Variants in SLFN5 observed in about 807,000 individuals in gnomAD.
The protein encoded by SLFN5 is schlafen family member 5.
SLFN5 carries 34 observed loss-of-function variants against 48.5 expected under a neutral mutation model. The ratio of observed to expected loss-of-function variants is 0.70; its 90% CI spans 0.53 to 0.93. The LOEUF (loss-of-function observed/expected upper bound fraction) is 0.93, where lower values mean the gene tolerates loss of function less well. SLFN5 is among the 40% of genes least tolerant of loss of function. The pLI, the probability that SLFN5 is intolerant of heterozygous loss-of-function variation, is 0.00. For synonymous variants in SLFN5, 387 were observed against 396.2 expected (o/e 0.98, Z 0.28); for missense variants, 1,006 against 1,071.3 (o/e 0.94, Z 0.85).
In SLFN5 at chr17:35,258,799, G is replaced by A. The variant is rs539752391; in HGVS notation, c.109G>A (p.Glu37Lys). 8 of 1,614,188 alleles carry A rather than the reference G, an allele frequency of 5.0e-6. No homozygotes were observed. In the East Asian group the frequency reaches 1.6e-4, roughly 31 times the overall value. Residue 37 changes from glutamate (E) to lysine (K), a missense_variant, in exon 2 of 5, where the codon GAG becomes AAG. By Grantham distance (56) the Glu-to-Lys change is moderately conservative. Coordinates refer to ENST00000299977, the MANE Select transcript of SLFN5 (RefSeq NM_144975.4). Reference protein sequence around the residue: ...QRQEMDPRLREKQNEIILRAV... With the variant: ...QRQEMDPRLRKKQNEIILRAV... ...GCAGGAGATGGACCCTCGCCTGCGGGAGAAACAGAATGAAATCATCCTGCG... is the reference window on the plus strand; with the variant it reads ...GCAGGAGATGGACCCTCGCCTGCGGAAGAAACAGAATGAAATCATCCTGCG...
chr17:35,253,404 C>T (rs2092447179), intron 1 of SLFN5, among the ~76,000 whole-genome samples: 1 of 152,104 alleles, frequency 6.6e-6, no homozygotes, highest in African/African-American at 2.4e-5. Flanking sequence ...CAGGGTCTCC[C>T]TCTGTTGCCC....
chr17:35,264,669 C>A lies in SLFN5; in HGVS notation c.1625C>A (p.Ser542Tyr). Reference protein sequence around the residue: ...SLVIVLLGFKSFLSEELGSEV... With the variant: ...SLVIVLLGFKYFLSEELGSEV... Reference sequence around the variant, plus strand: ...GTGATAGTCTTGCTTGGGTTCAAATCCTTCTTAAGTGAAGAGCTGGGCTCT... The same window carrying A: ...GTGATAGTCTTGCTTGGGTTCAAATACTTCTTAAGTGAAGAGCTGGGCTCT... Residue 542 changes from serine to tyrosine, a missense_variant, in exon 4 of 5, where the codon TCC (serine) becomes TAC (tyrosine). Ser to Tyr is a moderately radical substitution (Grantham distance 144, BLOSUM62 -2). Transcript: ENST00000299977. 1.2e-6 allele frequency: 2 copies of A among 1,613,552 alleles called. No homozygotes were observed. The highest frequency in any genetic ancestry group is 1.7e-6 in the Non-Finnish European group (2 of 1,179,798).
In SLFN5 at chr17:35,266,155, T is replaced by TGTGC. The variant is rs1904682005; in HGVS notation, c.*270_*271insCGTG. The TGTGC allele has an allele frequency of 3.8e-6, 1 of 266,162 alleles. No individual in the cohort carries two copies. The highest frequency in any genetic ancestry group is 5.5e-5 in the Admixed American group (1 of 18,304). The allele number at this position is 266,162 out of a possible 1,614,324, so 16.5% of individuals were successfully genotyped here. A position where few individuals can be genotyped will look rare whatever the true frequency, so the allele number is the denominator to read the frequency against. On this transcript the variant is annotated 3_prime_UTR_variant, in exon 5 of 5. Coordinates refer to ENST00000299977, the MANE Select transcript of SLFN5 (RefSeq NM_144975.4). ...TGAGACTCAGAGATGTGTGTGTGTG[T>TGTGC]GTGTGTGTGTGTGTGTGTGTGTGCG...
chr17:35,257,078 T>C (rs1904365446), intron 1 of SLFN5, among the ~76,000 whole-genome samples: 1 of 152,160 alleles, frequency 6.6e-6, no homozygotes, highest in South Asian at 2.1e-4. Context: ...AGTGCCATCC[T>C]GAAACCATCT....
Position 35,259,703 on chromosome 17 carries a change from G to T in SLFN5, c.1012+1G>T, listed in dbSNP as rs757914122. 4 of 1,598,896 alleles carry T rather than the reference G, an allele frequency of 2.5e-6. No individual in the cohort carries two copies. Among genetic ancestry groups the T allele is most frequent in the East Asian group, 2.2e-5 (1 of 44,880 alleles). On this transcript the variant is annotated splice_donor_variant, in intron 2 of 4. Transcript: ENST00000299977. LOFTEE classifies it high-confidence loss of function. ...GCTTGGATGATGGAAGCTGACCCAG[G>T]TTAGGGAGCAATATCCACAATGGTT...
At chr17:35,248,479 C>T (rs1031961615) in intron 1 of SLFN5, among the ~76,000 whole-genome samples, 2 of 152,208 alleles carry the variant, frequency 1.3e-5, no homozygotes, top group Non-Finnish European at 2.9e-5. Flanking sequence ...GTGTATCCAG[C>T]TCTCTCTTTT....
intron 1 of SLFN5, among the ~76,000 whole-genome samples, chr17:35,251,703 C>CTTTT (rs34854448): frequency 1.2e-5 from 1 of 84,970 alleles, no homozygotes; most frequent in African/African-American, 4.6e-5. Context: ...GGCGCCCGGA[C>CTTTT]TTTTTTTTTT....
In SLFN5 at chr17:35,270,193, T is replaced by C. The variant is rs1481806000; in HGVS notation, c.*4305T>C. On this transcript the variant is annotated 3_prime_UTR_variant, in exon 5 of 5. Transcript: ENST00000299977. ...TTTTTAAAAGCTTTCTGGAATATTA[T>C]TAACCTTGAATATTTCTAGTTGATG... The C allele has an allele frequency of 6.6e-6, 1 of 152,184 alleles. No homozygotes were observed. Among genetic ancestry groups the C allele is most frequent in the African/African-American group, 2.4e-5 (1 of 41,446 alleles). The allele number at this position is 152,184 out of a possible 1,614,324, so 9.4% of individuals were successfully genotyped here.
At chr17:35,257,821 C>T (rs1026795090) in intron 1 of SLFN5, among the ~76,000 whole-genome samples, 2 of 152,002 alleles carry the variant, frequency 1.3e-5, no homozygotes, top group East Asian at 1.9e-4. Context: ...CAGATGTGTC[C>T]CCTCCCAATA....
chr17:35,251,194 G>A (rs1255142836), intron 1 of SLFN5, among the ~76,000 whole-genome samples: 1 of 152,146 alleles, frequency 6.6e-6, no homozygotes, highest in Non-Finnish European at 1.5e-5. Flanking sequence ...AAGCCCTTGG[G>A]CCTTCAACTT....
Position 35,264,919 on chromosome 17 carries a change from G to T in SLFN5, c.1859+16G>T. The T allele has an allele frequency of 6.5e-7, 1 of 1,542,794 alleles. No homozygotes were observed. Among genetic ancestry groups the T allele is most frequent in the East Asian group, 2.2e-5 (1 of 44,622 alleles). On this transcript the variant is annotated intron_variant, in intron 4 of 4. Transcript: ENST00000299977. ...AGTTGGTGAGGTATGCTGCTTGTCT[G>T]TGTTCACTTTATTTTCTTGAGTGAC...
intron 1 of SLFN5, among the ~76,000 whole-genome samples, chr17:35,249,800 C>T: frequency 6.6e-6 from 1 of 152,190 alleles, no homozygotes; most frequent in East Asian, 1.9e-4. Context: ...TACACCTTTG[C>T]TTTCTCTATT....
At position 35,259,680 on chromosome 17, in the gene SLFN5, T is replaced by G; in HGVS notation, c.990T>G (p.Ala330=). 6.2e-7 allele frequency: 1 copy of G among 1,600,120 alleles called. No individual in the cohort carries two copies. The highest frequency in any genetic ancestry group is 8.5e-7 in the Non-Finnish European group (1 of 1,179,698). ...AATTGCCCACAAGAGAATGGACTGC[T>G]TGGATGATGGAAGCTGACCCAGGTT... is the stretch of plus-strand genomic sequence containing the variant. ...VRQLPTREWT[A]WMMEADPDLS... Residue 330 remains alanine (A), a synonymous_variant, in exon 2 of 5, where the codon GCT becomes GCG. Coordinates refer to ENST00000299977, the MANE Select transcript of SLFN5 (RefSeq NM_144975.4).
At position 35,265,743 on chromosome 17, in the gene SLFN5, G is replaced by T; in HGVS notation, c.2531G>T (p.Ser844Ile). ...DVLTDHIVLD[S>I]VCRFSGLERN... ...CTAACCGATCACATTGTGTTGGACA[G>T]TGTCTGTCGATTTTCAGGCCTGGAA... is the stretch of plus-strand genomic sequence containing the variant. The change falls in exon 5 of 5, where the codon AGT becomes ATT. Residue 844 changes from serine (S) to isoleucine (I), a missense_variant. By Grantham distance (142) the Ser-to-Ile change is moderately radical. Coordinates refer to ENST00000299977, the MANE Select transcript of SLFN5 (RefSeq NM_144975.4). 6.2e-7 allele frequency: 1 copy of T among 1,614,224 alleles called. No homozygotes were observed. Among genetic ancestry groups the T allele is most frequent in the Non-Finnish European group, 8.5e-7 (1 of 1,180,042 alleles).
chr17:35,265,242 G>T lies in SLFN5; in HGVS notation c.2030G>T (p.Gly677Val), dbSNP rs971588055. The change falls in exon 5 of 5, where the codon GGA becomes GTA. Residue 677 changes from glycine (G) to valine (V), a missense_variant. Coordinates refer to ENST00000299977, the MANE Select transcript of SLFN5 (RefSeq NM_144975.4). ...ACTCAGACAGCAAGGGATGGCCCAG[G>T]AGTTCTCTGGATCTTTCTGGACTAC... ...FITQTARDGP[G>V]VLWIFLDYFQ... 1 of 1,614,228 alleles carries T rather than the reference G, an allele frequency of 6.2e-7. No homozygotes were observed. The highest frequency in any genetic ancestry group is 8.5e-7 in the Non-Finnish European group (1 of 1,180,046).
At chr17:35,244,955 A>G (rs2092427426) in intron 1 of SLFN5, among the ~76,000 whole-genome samples, 1 of 152,134 alleles carries the variant, frequency 6.6e-6, no homozygotes, top group South Asian at 2.1e-4. Context: ...TGTAAGAGGA[A>G]GAAGAGGAAA....
Position 35,270,747 on chromosome 17 carries a change from C to T in SLFN5, c.*4859C>T, listed in dbSNP as rs539559259. On this transcript the variant is annotated 3_prime_UTR_variant, in exon 5 of 5. Coordinates refer to ENST00000299977, the MANE Select transcript of SLFN5 (RefSeq NM_144975.4). The stretch of plus-strand genomic sequence containing the variant: ...GTTTAGCAGCATCCTTGGCCCTACT[C>T]CCTAGACGCCAGTAGCAAATCCACC... 6.6e-5 allele frequency: 10 copies of T among 152,266 alleles called. No homozygotes were observed. The East Asian group carries it at 1.9e-3, about 29-fold the overall frequency. The allele number at this position is 152,266 out of a possible 1,614,324, so 9.4% of individuals were successfully genotyped here.
At position 35,264,420 on chromosome 17, in the gene SLFN5, G is replaced by A. The variant is rs1422540351; in HGVS notation, c.1376G>A (p.Trp459Ter). 2 of 1,614,092 alleles carry A rather than the reference G, an allele frequency of 1.2e-6. No homozygotes were observed. The highest frequency in any genetic ancestry group is 1.7e-6 in the Non-Finnish European group (2 of 1,180,050). ...ATTCTCTACACCATCTTCAGCAAGT[G>A]GGATGCGGGGTGCAAGGGCTATTCT... ...TPILYTIFSK[W>*]DAGCKGYSMI... Residue 459 changes from tryptophan to a stop codon, truncating the protein, a stop_gained, in exon 4 of 5, where the codon TGG (tryptophan) becomes TAG (stop). Transcript: ENST00000299977. LOFTEE classifies it high-confidence loss of function.
intron 1 of SLFN5, among the ~76,000 whole-genome samples, chr17:35,254,739 G>A (rs1278483338): frequency 1.3e-5 from 2 of 152,264 alleles, no homozygotes; most frequent in East Asian, 1.9e-4. Flanking sequence ...GATTTCGGCC[G>A]GGCGTGGTGG....
Sources: allele counts gnomAD v4.1 joint callset (sites outside exome capture counted in the v4.1 genomes callset), GRCh38; gene constraint gnomAD v4.1.1; transcripts MANE v1.5; gene names NCBI Gene and HGNC (gene_info 2026-07-23, HGNC 2026-07-21).